The following MGAT4C variants were observed in gnomAD, a reference collection of about 807,000 sequenced individuals.
MGAT4C encodes alpha-1,3-mannosyl-glycoprotein 4-beta-N-acetylglucosaminyltransferase C.
MGAT4C carries 19 observed loss-of-function variants against 40.1 expected under a neutral mutation model. The ratio of observed to expected loss-of-function variants is 0.47; its 90% confidence interval spans 0.33 to 0.70. MGAT4C has a LOEUF of 0.70. MGAT4C is among the 30% of genes least tolerant of loss of function. MGAT4C has a pLI of 0.02. For synonymous variants in MGAT4C, 181 were observed against 187.1 expected, an observed-to-expected ratio of 0.97 and a Z score of 0.27; for missense variants, 491 against 563.2, an observed-to-expected ratio of 0.87 and a Z score of 1.30.
chr12:86,814,343 T>C (rs1428333959), intron 1 of MGAT4C, among the ~76,000 whole-genome samples: 1 of 3,076 alleles, frequency 3.3e-4, no homozygotes, highest in African/African-American at 4.6e-3. Flanking sequence ...TATATATACA[T>C]ATATATACAT....
intron 1 of MGAT4C, among the ~76,000 whole-genome samples, chr12:86,191,199 TAGA>T (rs1373266000): frequency 6.6e-6 from 1 of 151,802 alleles, no homozygotes; most frequent in African/African-American, 2.4e-5. Context: ...GGAATGGTTC[TAGA>T]AGGACAGACT....
chr12:86,755,548 T>C (rs967941492), intron 1 of MGAT4C, among the ~76,000 whole-genome samples: 8 of 152,058 alleles, frequency 5.3e-5, no homozygotes, highest in Non-Finnish European at 1.0e-4. Context: ...TTATTTTTTC[T>C]TTTCTTTTCT....
intron 2 of MGAT4C, among the ~76,000 whole-genome samples, chr12:86,614,685 G>A (rs1962393126): frequency 6.6e-6 from 1 of 151,556 alleles, no homozygotes; most frequent in Non-Finnish European, 1.5e-5. Context: ...AAGTTAATTA[G>A]GAAAAGGTAA....
chr12:86,824,866 A>G (rs1442845442), intron 1 of MGAT4C, among the ~76,000 whole-genome samples: 1 of 151,320 alleles, frequency 6.6e-6, no homozygotes, highest in Non-Finnish European at 1.5e-5. Context: ...CTAGATTAAA[A>G]TGGAAAAATA....
intron 1 of MGAT4C, among the ~76,000 whole-genome samples, chr12:86,209,897 A>C (rs1361855092): frequency 2.6e-5 from 4 of 152,182 alleles, no homozygotes; most frequent in Non-Finnish European, 5.9e-5. Context: ...CTTAGGTAAA[A>C]GCTTTGGAAT....
chr12:85,997,991 G>A lies in MGAT4C; in HGVS notation c.-6-8439C>T, dbSNP rs138110004. Among the ~76,000 whole-genome samples, 323 of 152,314 alleles carry A rather than the reference G, an allele frequency of 2.1e-3. 2 individuals are homozygous for A. Among genetic ancestry groups the A allele is most frequent in the African/African-American group, 7.1e-3 (297 of 41,576 alleles). On this transcript the variant is annotated intron_variant, in intron 2 of 4. Coordinates refer to ENST00000611864, the MANE Select transcript of MGAT4C (RefSeq NM_001351288.2). ...CTGCCCTAGCAGAGGTTCTCTATGA[G>A]GGCCCTGCCCCTGCAGCAAACTTCT...
chr12:86,816,495 A>C (rs1372690117), intron 1 of MGAT4C, among the ~76,000 whole-genome samples: 1 of 151,752 alleles, frequency 6.6e-6, no homozygotes, highest in African/African-American at 2.4e-5. Context: ...ATTAACCTTC[A>C]ATCTTTCTCA....
intron 1 of MGAT4C, among the ~76,000 whole-genome samples, chr12:86,751,512 G>A (rs937418457): frequency 6.6e-6 from 1 of 151,966 alleles, no homozygotes; most frequent in African/African-American, 2.4e-5. Context: ...CCTGAATCCA[G>A]CCCCTGCACT....
intron 2 of MGAT4C, among the ~76,000 whole-genome samples, chr12:86,491,685 T>C (rs1240568967): frequency 6.6e-6 from 1 of 151,400 alleles, no homozygotes; most frequent in Non-Finnish European, 1.5e-5. Flanking sequence ...CCACAGCCAA[T>C]ATCATACTGA....
At chr12:86,086,129 T>A (rs1871783804) in intron 1 of MGAT4C, among the ~76,000 whole-genome samples, 1 of 152,138 alleles carries the variant, frequency 6.6e-6, no homozygotes, top group African/African-American at 2.4e-5. Flanking sequence ...AGCAAAGACT[T>A]GGACCCAACC....
chr12:86,404,747 A>G (rs958983743), intron 3 of MGAT4C, among the ~76,000 whole-genome samples: 14 of 152,180 alleles, frequency 9.2e-5, no homozygotes, highest in African/African-American at 3.4e-4. Flanking sequence ...GTAAAAAACA[A>G]TTATTGTTAG....
intron 2 of MGAT4C, among the ~76,000 whole-genome samples, chr12:86,694,522 A>T (rs1236202401): frequency 6.6e-6 from 1 of 152,170 alleles, no homozygotes; most frequent in African/African-American, 2.4e-5. Context: ...ACTAGTATTT[A>T]TATAATTTGA....
intron 1 of MGAT4C, among the ~76,000 whole-genome samples, chr12:86,800,463 C>T (rs1952205659): frequency 6.6e-6 from 1 of 151,736 alleles, no homozygotes; most frequent in Non-Finnish European, 1.5e-5. Context: ...TTTTAAGTAC[C>T]CAGAATGGTT....
At chr12:86,681,278 C>T (rs995059037) in intron 2 of MGAT4C, among the ~76,000 whole-genome samples, 1 of 151,858 alleles carries the variant, frequency 6.6e-6, no homozygotes, top group African/African-American at 2.4e-5. Flanking sequence ...TTTAAAAATA[C>T]ACACCATATA....
chr12:86,217,484 C>A (rs1158468482), intron 1 of MGAT4C, among the ~76,000 whole-genome samples: 1 of 152,092 alleles, frequency 6.6e-6, no homozygotes, highest in Non-Finnish European at 1.5e-5. Context: ...CTAAAGATGT[C>A]TGTGACTGTT....
At chr12:86,028,855 G>A (rs191813753) in intron 2 of MGAT4C, among the ~76,000 whole-genome samples, 1 of 151,808 alleles carries the variant, frequency 6.6e-6, no homozygotes, top group Non-Finnish European at 1.5e-5. Context: ...ACTAAGAAAT[G>A]ATATAAGATA....
Position 86,136,228 on chromosome 12 carries a change from T to TCTAAAAA in MGAT4C, c.-56-86512_-56-86506dup, listed in dbSNP as rs565156424. ...GAGTCTTTTATGTTCTAAGAAGTGT[T>TCTAAAAA]CTAAAAACAGGGGCTCTATTTGGTG... is the stretch of plus-strand genomic sequence containing the variant. On this transcript the variant is annotated intron_variant, in intron 1 of 4. Transcript: ENST00000611864. 1.2e-3 allele frequency among the ~76,000 whole-genome samples: 189 copies of TCTAAAAA among 152,306 alleles called. 1 individual carries two copies. Among genetic ancestry groups the TCTAAAAA allele is most frequent in the African/African-American group, 4.4e-3 (181 of 41,566 alleles).
intron 2 of MGAT4C, among the ~76,000 whole-genome samples, chr12:86,628,588 T>G (rs567183269): frequency 4.6e-5 from 7 of 152,258 alleles, no homozygotes; most frequent in African/African-American, 1.7e-4. Context: ...TGAGAGCCAA[T>G]ATTCAACATT....
At chr12:86,801,754 C>T (rs1040920282) in intron 1 of MGAT4C, among the ~76,000 whole-genome samples, 1 of 151,734 alleles carries the variant, frequency 6.6e-6, no homozygotes, top group African/African-American at 2.4e-5. Flanking sequence ...TTTCCCATTC[C>T]CACACAGGAT....
Sources: gnomAD v4.1 joint callset for allele counts (sites outside exome capture counted in the v4.1 genomes callset) on GRCh38, gnomAD v4.1.1 for gene constraint, MANE v1.5 for transcripts, NCBI Gene and HGNC (gene_info 2026-07-23, HGNC 2026-07-21) for gene names.